The following CCDC33 variants were observed in gnomAD, a reference collection of about 807,000 sequenced individuals.
The protein encoded by CCDC33 is coiled-coil domain containing 33, also known as coiled-coil domain-containing protein 33.
A neutral mutation model predicts 91.9 loss-of-function variants in CCDC33; 94 were observed. The observed-to-expected ratio is 1.02, with a 90% CI of 0.87 to 1.21. CCDC33 has a LOEUF of 1.21. Among genes scored for constraint, CCDC33 ranks in the 50% most tolerant of loss-of-function variants. The probability of loss-of-function intolerance (pLI) is 0.00; values close to 1 mark genes in which losing one functional copy is unlikely to be tolerated. For synonymous variants in CCDC33, 396 were observed against 374.5 expected, an observed-to-expected ratio of 1.06 and a Z score of -0.66; for missense variants, 940 against 935.5, an observed-to-expected ratio of 1.00 and a Z score of -0.06.
chr15:74,298,606 C>A (rs2059733396), intron 11 of CCDC33, among the ~76,000 whole-genome samples: 1 of 151,956 alleles, frequency 6.6e-6, no homozygotes, highest in South Asian at 2.1e-4. Context: ...ATGGTGCGAT[C>A]TCAGCTCACC....
At chr15:74,334,350 GTGAC>G (rs2060512410) in intron 17 of CCDC33, among the ~76,000 whole-genome samples, 1 of 150,112 alleles carries the variant, frequency 6.7e-6, no homozygotes. Flanking sequence ...GGTTCAGTGT[GTGAC>G]CAGGGTCAGG....
At chr15:74,270,480 G>A (rs1490789854) in intron 5 of CCDC33, among the ~76,000 whole-genome samples, 5 of 152,300 alleles carry the variant, frequency 3.3e-5, no homozygotes, top group African/African-American at 1.2e-4. Flanking sequence ...GGAATAACGT[G>A]ACCCAGTTCA....
chr15:74,241,385 G>A (rs77302365), intron 1 of CCDC33, among the ~76,000 whole-genome samples: 251 of 152,350 alleles, frequency 1.6e-3, no homozygotes, highest in African/African-American at 5.9e-3. Flanking sequence ...GTTCTGGAGT[G>A]ACACCCAGGG....
At chr15:74,270,137 A>G (rs944082824) in intron 5 of CCDC33, among the ~76,000 whole-genome samples, 4 of 152,222 alleles carry the variant, frequency 2.6e-5, no homozygotes, top group Non-Finnish European at 5.9e-5. Flanking sequence ...GCGAGGCCCT[A>G]AGGACTATTG....
intron 1 of CCDC33, among the ~76,000 whole-genome samples, chr15:74,241,079 A>G (rs1479109838): frequency 6.6e-6 from 1 of 152,184 alleles, no homozygotes; most frequent in Non-Finnish European, 1.5e-5. Context: ...CTTCACCTCC[A>G]GGCAGGGGCA....
intron 2 of CCDC33, among the ~76,000 whole-genome samples, chr15:74,262,022 G>A (rs2076036980): frequency 1.3e-5 from 2 of 151,306 alleles, no homozygotes; most frequent in South Asian, 4.2e-4. Context: ...ACAGCCAGGC[G>A]GGGCATCGCA....
rs57645886 is a variant in CCDC33, at chr15:74,247,371, TACACACACACAC to T, written c.185+3238_185+3249del. On this transcript the variant is annotated intron_variant, in intron 2 of 18. Coordinates refer to ENST00000398814, the MANE Select transcript of CCDC33 (RefSeq NM_025055.5). Reference sequence around the variant, plus strand: ...AGAAAAAATGTCATATATATATATATACACACACACACACACACACACACACGTCATATACAT... The same window carrying T: ...AGAAAAAATGTCATATATATATATATACACACACACACACGTCATATACAT... Among the ~76,000 whole-genome samples the T allele has an allele frequency of 4.2e-4, 62 of 148,708 alleles. No homozygotes were observed. The South Asian group carries it at 5.0e-3, about 12-fold the overall frequency.
intron 1 of CCDC33, among the ~76,000 whole-genome samples, chr15:74,238,975 G>C (rs1218455086): frequency 6.6e-6 from 1 of 152,176 alleles, no homozygotes; most frequent in East Asian, 1.9e-4. Flanking sequence ...GCTTTCCCCT[G>C]GCCGCCATAA....
Position 74,336,099 on chromosome 15 carries a change from C to T in CCDC33, c.*46C>T, listed in dbSNP as rs922517430. The T allele has an allele frequency of 1.7e-5, 27 of 1,597,134 alleles. No individual in the cohort carries two copies. The African/African-American group carries it at 1.8e-4, about 10-fold the overall frequency. Reference sequence around the variant, plus strand: ...CCCTGTGTGCTGGGGAGTCTCATCACCGCCCCCTAAAAATGACGTTATTAA... The same window carrying T: ...CCCTGTGTGCTGGGGAGTCTCATCATCGCCCCCTAAAAATGACGTTATTAA... On this transcript the variant is annotated 3_prime_UTR_variant, in exon 19 of 19. Coordinates refer to ENST00000398814, the MANE Select transcript of CCDC33 (RefSeq NM_025055.5).
intron 2 of CCDC33, among the ~76,000 whole-genome samples, chr15:74,253,805 C>T (rs1049128986): frequency 6.6e-6 from 1 of 152,130 alleles, no homozygotes; most frequent in Non-Finnish European, 1.5e-5. Flanking sequence ...AGCCCCTGCC[C>T]GTCCTACTGA....
intron 5 of CCDC33, among the ~76,000 whole-genome samples, chr15:74,269,886 G>A (rs1227651897): frequency 6.6e-6 from 1 of 152,136 alleles, no homozygotes; most frequent in African/African-American, 2.4e-5. Flanking sequence ...GGTGTACTTG[G>A]GCAGCTGTCT....
intron 1 of CCDC33, among the ~76,000 whole-genome samples, chr15:74,204,355 C>G (rs1334785385): frequency 6.6e-6 from 1 of 152,222 alleles, no homozygotes; most frequent in Non-Finnish European, 1.5e-5. Context: ...CTTGGCAAAG[C>G]CATTGCTTGT....
chr15:74,328,257 G>C (rs1183066388), intron 11 of CCDC33, among the ~76,000 whole-genome samples: 1 of 152,224 alleles, frequency 6.6e-6, no homozygotes, highest in Admixed American at 6.5e-5. Context: ...AGGAGGAAGA[G>C]GAAGGGGTCT....
chr15:74,266,052 GC>G (rs1447509039), intron 3 of CCDC33, among the ~76,000 whole-genome samples: 1 of 152,054 alleles, frequency 6.6e-6, no homozygotes, highest in Admixed American at 6.5e-5. Context: ...CAATATTCAT[GC>G]CATTTTATGA....
At chr15:74,273,202 A>G (rs1015559765) in intron 7 of CCDC33, among the ~76,000 whole-genome samples, 18 of 152,208 alleles carry the variant, frequency 1.2e-4, no homozygotes, top group Non-Finnish European at 2.4e-4. Context: ...AAGGACAAAT[A>G]TATGATTCCA....
rs774769963 is a variant in CCDC33 at position 74,236,743 on chromosome 15, A to T, written c.21+3A>T. On this transcript the variant is annotated splice_donor_region_variant and intron_variant, in intron 1 of 18. Transcript: ENST00000398814. ...GGATGGGACTGAAAAACAAAAAGGT[A>T]AGGCCAGGGGCATGGGCCATGCACC... The T allele has an allele frequency of 7.4e-6, 12 of 1,613,786 alleles. No homozygotes were observed. The highest frequency in any genetic ancestry group is 1.0e-5 in the Non-Finnish European group (12 of 1,179,876).
upstream of CCDC33, among the ~76,000 whole-genome samples, chr15:74,235,781 T>C (rs1027085822): frequency 1.3e-5 from 2 of 152,266 alleles, no homozygotes; most frequent in African/African-American, 2.4e-5. Flanking sequence ...TGACCCATCA[T>C]GGCTTTCTTT....
intron 11 of CCDC33, among the ~76,000 whole-genome samples, chr15:74,306,247 T>C (rs977535373): frequency 6.6e-5 from 10 of 152,230 alleles, no homozygotes; most frequent in African/African-American, 2.2e-4. Flanking sequence ...GAGGAGGATG[T>C]GGTCAGGACT....
In CCDC33 at chr15:74,218,894, G is replaced by A; in HGVS notation, c.675+33G>A. 8.3e-7 allele frequency: 1 copy of A among 1,204,088 alleles called. No individual in the cohort carries two copies. The highest frequency in any genetic ancestry group is 1.5e-5 in the South Asian group (1 of 66,420). 74.6% of individuals were successfully genotyped at this position (1,204,088 alleles called of 1,614,324 possible). ...CTTCCCTGGTCCCAGTTCAGGTTCTGGGCTCACCGGGTACAAGACCCAGCC... is the reference window on the plus strand; with the variant it reads ...CTTCCCTGGTCCCAGTTCAGGTTCTAGGCTCACCGGGTACAAGACCCAGCC... On this transcript the variant is annotated intron_variant, in intron 2 of 2. Transcript: ENST00000635913. The surrounding 1 kb of genome is among the most constrained non-coding windows in gnomAD (Gnocchi z 4.8).
Sources: allele counts gnomAD v4.1 joint callset (sites outside exome capture counted in the v4.1 genomes callset), GRCh38; gene constraint gnomAD v4.1.1; non-coding constraint Gnocchi (gnomAD v3.1); transcripts MANE v1.5; gene names NCBI Gene and HGNC (gene_info 2026-07-23, HGNC 2026-07-21).